The following NACA variants were observed in gnomAD, a reference collection of about 807,000 sequenced individuals.
The protein encoded by NACA is nascent polypeptide-associated complex subunit alpha.
A neutral mutation model predicts 86.4 loss-of-function variants in NACA; 42 were observed. That is an observed-to-expected ratio of 0.49 (90% CI 0.38 to 0.63). The LOEUF (loss-of-function observed/expected upper bound fraction) is 0.63, where lower values mean the gene tolerates loss of function less well. NACA is among the 20% of genes least tolerant of loss of function. The pLI is 0.00. For missense variants in NACA, 2,157 were observed against 2,483.6 expected (o/e 0.87, Z 2.80); for synonymous variants, 898 against 973.7 (o/e 0.92, Z 1.45).
At position 56,718,860 on chromosome 12, in the gene NACA, C is replaced by T; in HGVS notation, c.2670G>A (p.Val890=). The change falls in exon 3 of 9, where the codon GTG becomes GTA. Residue 890 remains valine (V), a synonymous_variant. Transcript: ENST00000454682. ...LPPKETPTPS[V]VNLPFPKEGP... The stretch of plus-strand genomic sequence containing the variant: ...CCTCTTTGGGGAAGGGCAGATTCAC[C>T]ACTGAAGGAGTGGGGGTCTCTTTGG... 4.9e-6 allele frequency: 7 copies of T among 1,418,858 alleles called. No individual in the cohort carries two copies. Among genetic ancestry groups the T allele is most frequent in the African/African-American group, 1.5e-5 (1 of 66,582 alleles). 87.9% of individuals were successfully genotyped at this position (1,418,858 alleles called of 1,614,324 possible). A position where few individuals can be genotyped will look rare whatever the true frequency, so the allele number is the denominator to read the frequency against.
chr12:56,715,081 A>G (rs957830003), intron 3 of NACA, among the ~76,000 whole-genome samples: 31 of 152,216 alleles, frequency 2.0e-4, no homozygotes, highest in South Asian at 2.1e-4. Flanking sequence ...GATACACTTA[A>G]GTGAAAAAAC....
At chr12:56,724,891 G>A (rs908592277) in intron 1 of NACA, 4 of 238,686 alleles carry the variant, frequency 1.7e-5, no homozygotes, top group African/African-American at 9.2e-5. Context: ...GGGAAAGACG[G>A]TGTTTTAAGT....
Position 56,715,963 on chromosome 12 carries a change from T to C in NACA, c.5567A>G (p.Gln1856Arg), listed in dbSNP as rs1398472486. The change falls in exon 3 of 9, where the codon CAG (glutamine) becomes CGG (arginine). Residue 1856 changes from glutamine (Q) to arginine (R), a missense_variant. By Grantham distance (43) the Gln-to-Arg change is conservative (BLOSUM62 1). Around this residue, in one of 8 missense-constraint regions of NACA, gnomAD observed 797 missense variants for 777.6 expected, o/e 1.02. Transcript: ENST00000454682. Reference sequence around the variant, plus strand: ...GGTGGGCATGTTGACGAGGACCGACTGGAAAGGCACTCCCCCAGAGATTGG... The same window carrying C: ...GGTGGGCATGTTGACGAGGACCGACCGGAAAGGCACTCCCCCAGAGATTGG... ...PEPISGGVPF[Q>R]SVLVNMPTPK... 1 of 1,551,342 alleles carries C rather than the reference T, an allele frequency of 6.4e-7. No homozygotes were observed. Among genetic ancestry groups the C allele is most frequent in the South Asian group, 1.2e-5 (1 of 81,718 alleles).
chr12:56,714,069 A>G (rs538444719), intron 5 of NACA: 180 of 404,568 alleles, frequency 4.4e-4, no homozygotes, highest in African/African-American at 3.3e-3. Flanking sequence ...CTGGTCTTGA[A>G]CTCCTGACCT....
Position 56,714,554 on chromosome 12 carries a change from TC to T in NACA, c.5745+47del, listed in dbSNP as rs749785119. The T allele has an allele frequency of 8.7e-6, 14 of 1,609,966 alleles. No individual in the cohort carries two copies. In the African/African-American group the frequency reaches 1.3e-4, roughly 15 times the overall value. On this transcript the variant is annotated intron_variant, in intron 4 of 8. Transcript: ENST00000454682. ...GTTCCAAATACAAAAGTTGCCCTGA[TC>T]AACCCTGCTTCTTTGACCCAATACC...
At chr12:56,715,550 A>C (rs1232472708) in intron 3 of NACA, among the ~76,000 whole-genome samples, 1 of 152,140 alleles carries the variant, frequency 6.6e-6, no homozygotes, top group African/African-American at 2.4e-5. Context: ...AGAGCAAATG[A>C]AAAGGTCTGG....
chr12:56,716,237 G>A lies in NACA; in HGVS notation c.5293C>T (p.Pro1765Ser). Residue 1765 changes from proline (P) to serine (S), a missense_variant, in exon 3 of 9, where the codon CCT becomes TCT. Transcript: ENST00000454682. ...AGAGGGGTGGACGCCTTAGACTCAG[G>A]AGGAGCCAAGGGGCCCTTTGGGGAA... The part of the protein sequence containing the change: ...SHSPKGPLAP[P>S]ESKASTPLTA... 6.2e-7 allele frequency: 1 copy of A among 1,613,828 alleles called. No individual in the cohort carries two copies. Among genetic ancestry groups the A allele is most frequent in the East Asian group, 2.2e-5 (1 of 44,886 alleles).
At position 56,721,391 on chromosome 12, in the gene NACA, G is replaced by C. The variant is rs187293857; in HGVS notation, c.139C>G (p.Pro47Ala). The part of the protein sequence containing the change: ...ALGQPGPTLP[P>A]PCSPAPQQCP... ...TGTTGTGGGGCAGGAGAGCAAGGAG[G>C]GGGGAGGGTAGGTCCAGGCTGCCCT... The change falls in exon 3 of 9, where the codon CCT becomes GCT. Residue 47 changes from proline (P) to alanine (A), a missense_variant. Transcript: ENST00000454682. 5.4e-4 allele frequency: 854 copies of C among 1,572,770 alleles called. 6 individuals are homozygous for C. In the African/African-American group the frequency reaches 0.01, roughly 19 times the overall value.
Position 56,718,779 on chromosome 12 carries a change from G to C in NACA, c.2751C>G (p.Ser917=). The part of the protein sequence containing the change: ...QAPALSMTSS[S]PKKARATPAP... The stretch of plus-strand genomic sequence containing the variant: ...CTGGAGTTGCTCGGGCCTTTTTGGG[G>C]GAGGAAGAAGTCATGGATAGAGCAG... Residue 917 remains serine, a synonymous_variant, in exon 3 of 9, where the codon TCC becomes TCG. Coordinates refer to ENST00000454682, the MANE Select transcript of NACA (RefSeq NM_001365896.1). 6.9e-7 allele frequency: 1 copy of C among 1,446,150 alleles called. No homozygotes were observed. The highest frequency in any genetic ancestry group is 1.1e-5 in the South Asian group (1 of 88,708). The allele number at this position is 1,446,150 out of a possible 1,614,324, so 89.6% of individuals were successfully genotyped here.
At position 56,717,209 on chromosome 12, in the gene NACA, CAG is replaced by C; in HGVS notation, c.4319_4320del (p.Pro1440ArgfsTer96). 7.8e-7 allele frequency: 1 copy of C among 1,289,534 alleles called. No homozygotes were observed. The highest frequency in any genetic ancestry group is 1.0e-6 in the Non-Finnish European group (1 of 997,530). The allele number at this position is 1,289,534 out of a possible 1,614,324, so 79.9% of individuals were successfully genotyped here. ...GTTGCTGGGGCCTTTTTGAGGGAGA[CAG>C]GAGTCACTGCTGGGGGAGTGAGATC... is the stretch of plus-strand genomic sequence containing the variant. ...KGDLTPPAVTPVSLKKAPATS... is the reference protein window; with the variant it reads ...KGDLTPPAVTXVSLKKAPATS... On this transcript the variant is annotated frameshift_variant, in exon 3 of 9. Transcript: ENST00000454682. LOFTEE classifies it high-confidence loss of function.
intron 3 of NACA, 22 bp from the exon 4 acceptor site, chr12:56,714,709 A>AAAAG (rs772450336): frequency 1.2e-6 from 2 of 1,606,152 alleles, no homozygotes; most frequent in South Asian, 2.2e-5. Flanking sequence ...AACAACTTTT[A>AAAAG]CTGCTTTATA....
rs775354326 is a variant in NACA at position 56,716,847 on chromosome 12, G to C, written c.4683C>G (p.Thr1561=). ...CTTCTTTGGGGGTTGGAATTGCTGG[G>C]GTCTTTTTAGGGGAGGGAACAGTCA... ...PAMTVPSPKK[T]PAIPTPKEAP... The change falls in exon 3 of 9, where the codon ACC becomes ACG. Residue 1561 remains threonine, a synonymous_variant. Coordinates refer to ENST00000454682, the MANE Select transcript of NACA (RefSeq NM_001365896.1). 4 of 1,330,180 alleles carry C rather than the reference G, an allele frequency of 3.0e-6. No individual in the cohort carries two copies. The highest frequency in any genetic ancestry group is 3.9e-6 in the Non-Finnish European group (4 of 1,018,156). 82.4% of individuals were successfully genotyped at this position (1,330,180 alleles called of 1,614,324 possible). A position where few individuals can be genotyped will look rare whatever the true frequency, so the allele number is the denominator to read the frequency against.
chr12:56,720,113 T>C lies in NACA; in HGVS notation c.1417A>G (p.Ser473Gly). ...GCAGGGGAAGTTGGTTCTATGTTACTTATGGGACCTGATGACATTGGAGGA... is the reference window on the plus strand; with the variant it reads ...GCAGGGGAAGTTGGTTCTATGTTACCTATGGGACCTGATGACATTGGAGGA... ...VSPPMSSGPI[S>G]NIEPTSPAAL... Residue 473 changes from serine to glycine, a missense_variant, in exon 3 of 9, where the codon AGT becomes GGT. Physicochemically the swap from Ser to Gly is moderately conservative, Grantham distance 56. Around this residue, in one of 8 missense-constraint regions of NACA, gnomAD observed 947 missense variants for 917.9 expected, o/e 1.03. Transcript: ENST00000454682. 1 of 1,613,866 alleles carries C rather than the reference T, an allele frequency of 6.2e-7. No individual in the cohort carries two copies. The highest frequency in any genetic ancestry group is 8.5e-7 in the Non-Finnish European group (1 of 1,179,856).
At position 56,721,412 on chromosome 12, in the gene NACA, G is replaced by C. The variant is rs192673445; in HGVS notation, c.118C>G (p.Gln40Glu). The C allele has an allele frequency of 1.2e-4, 193 of 1,544,778 alleles. No homozygotes were observed. In the African/African-American group the frequency reaches 2.4e-3, roughly 19 times the overall value. ...GGAGGGGGGAGGGTAGGTCCAGGCT[G>C]CCCTAAGGCAGCAGTGACACTCAAG... Reference protein sequence around the residue: ...SALSVTAALGQPGPTLPPPCS... With the variant: ...SALSVTAALGEPGPTLPPPCS... The change falls in exon 3 of 9, where the codon CAG (glutamine) becomes GAG (glutamate). Residue 40 changes from glutamine to glutamate, a missense_variant. Around this residue, in one of 8 missense-constraint regions of NACA, gnomAD observed 947 missense variants for 917.9 expected, o/e 1.03. Transcript: ENST00000454682.
In NACA at chr12:56,717,965, G is replaced by C. The variant is rs779052728; in HGVS notation, c.3565C>G (p.Pro1189Ala). Residue 1189 changes from proline to alanine, a missense_variant, in exon 3 of 9, where the codon CCA becomes GCA. Coordinates refer to ENST00000454682, the MANE Select transcript of NACA (RefSeq NM_001365896.1). ...PPSPKGGLAT[P>A]SPKGAPTTPA... is the part of the protein sequence containing the mutation. ...GTTGTGGGGGCCCCTTTGGGGGATG[G>C]GGTAGCTAGACCTCCTTTTGGGGAA... The C allele has an allele frequency of 9.1e-7, 1 of 1,099,400 alleles. No individual in the cohort carries two copies. Among genetic ancestry groups the C allele is most frequent in the Admixed American group, 4.0e-5 (1 of 24,764 alleles). The allele number at this position is 1,099,400 out of a possible 1,614,324, so 68.1% of individuals were successfully genotyped here.
In NACA at chr12:56,718,682, G is replaced by A; in HGVS notation, c.2848C>T (p.Pro950Ser). ...GATGGGGTAGCTGGGCCTCCTTTAG[G>A]GGAGGGAGGAGTTGCAGCTGGGGGT... ...PTPPAATPPS[P>S]KGGPATPSPK... The change falls in exon 3 of 9, where the codon CCT becomes TCT. Residue 950 changes from proline to serine, a missense_variant. Physicochemically the swap from Pro to Ser is moderately conservative, Grantham distance 74. Transcript: ENST00000454682. The A allele has an allele frequency of 1.4e-6, 2 of 1,408,932 alleles. No homozygotes were observed. Among genetic ancestry groups the A allele is most frequent in the Non-Finnish European group, 1.9e-6 (2 of 1,056,632 alleles). 87.3% of individuals were successfully genotyped at this position (1,408,932 alleles called of 1,614,324 possible).
intron 3 of NACA, among the ~76,000 whole-genome samples, chr12:56,715,344 G>GA (rs1953323264): frequency 6.6e-6 from 1 of 151,916 alleles, no homozygotes; most frequent in Admixed American, 6.6e-5. Context: ...GACTACTGAG[G>GA]AAAAAAAGCA....
At position 56,717,309 on chromosome 12, in the gene NACA, C is replaced by T; in HGVS notation, c.4221G>A (p.Val1407=). 7.5e-7 allele frequency: 1 copy of T among 1,339,328 alleles called. No homozygotes were observed. Among genetic ancestry groups the T allele is most frequent in the Non-Finnish European group, 9.8e-7 (1 of 1,024,338 alleles). The allele number at this position is 1,339,328 out of a possible 1,614,324, so 83.0% of individuals were successfully genotyped here. ...GAGCCTTTTTGGGGGAGAGAGGAAT[C>T]ACTGCTGGGGAAGTGGGGTCCCCTT... ...SPKGDPTSPA[V]IPLSPKKAPA... Residue 1407 remains valine (V), a synonymous_variant, in exon 3 of 9, where the codon GTG becomes GTA. Coordinates refer to ENST00000454682, the MANE Select transcript of NACA (RefSeq NM_001365896.1).
At chr12:56,724,949 T>C (rs935627471) in intron 1 of NACA, 2 of 173,564 alleles carry the variant, frequency 1.2e-5, no homozygotes, top group African/African-American at 4.8e-5. Context: ...GTTCTAAGGC[T>C]GTGACCCCTT....
Sources: gnomAD v4.1 joint callset for allele counts (sites outside exome capture counted in the v4.1 genomes callset) on GRCh38, gnomAD v4.1.1 for gene constraint, gnomAD v4.1.1 regional missense constraint, MANE v1.5 for transcripts, NCBI Gene and HGNC (gene_info 2026-07-23, HGNC 2026-07-21) for gene names.